Variants in SMARCC1 observed in about 807,000 individuals in gnomAD.
The protein encoded by SMARCC1 is SWI/SNF related BAF chromatin remodeling complex subunit C1, also known as SWI/SNF complex subunit SMARCC1.
A neutral mutation model predicts 147.4 loss-of-function variants in SMARCC1; 43 were observed. That is an observed-to-expected ratio of 0.29 (90% CI 0.23 to 0.38). SMARCC1 has a LOEUF of 0.38. Among genes scored for constraint, SMARCC1 ranks in the 10% least tolerant of loss-of-function variants. The pLI is 1.00. For missense variants in SMARCC1, 1,119 were observed against 1,381.1 expected (o/e 0.81, Z 3.01); for synonymous variants, 495 against 484.4 (o/e 1.02, Z -0.29).
intron 26 of SMARCC1, among the ~76,000 whole-genome samples, chr3:47,593,608 G>A (rs2032222328): frequency 6.6e-6 from 1 of 152,198 alleles, no homozygotes; most frequent in East Asian, 1.9e-4. Flanking sequence ...TTAGAAGACA[G>A]TACTGAGACA....
intron 24 of SMARCC1, 56 bp downstream of exon 24, chr3:47,635,134 C>T: frequency 2.0e-6 from 3 of 1,493,742 alleles, no homozygotes; most frequent in South Asian, 1.2e-5. Flanking sequence ...TAACTAAAAA[C>T]AATACGACCA....
chr3:47,716,859 T>C (rs2034162004), intron 7 of SMARCC1, among the ~76,000 whole-genome samples: 1 of 152,204 alleles, frequency 6.6e-6, no homozygotes, highest in South Asian at 2.1e-4. Flanking sequence ...CATGTACTTG[T>C]AGTCCCAGTT....
rs551165385 is a variant in SMARCC1 at position 47,596,959 on chromosome 3, G to A, written c.3044-6122C>T. On this transcript the variant is annotated intron_variant, in intron 26 of 27. Coordinates refer to ENST00000254480, the MANE Select transcript of SMARCC1 (RefSeq NM_003074.4). Reference sequence around the variant, plus strand: ...GCCTGTAATCCCGGCACTTTGGGAGGCCGAGGCAGGCAGATGACGAGGTCA... The same window carrying A: ...GCCTGTAATCCCGGCACTTTGGGAGACCGAGGCAGGCAGATGACGAGGTCA... Among the ~76,000 whole-genome samples the A allele has an allele frequency of 3.0e-3, 459 of 152,014 alleles. 4 individuals are homozygous for A. The highest frequency in any genetic ancestry group is 0.01 in the African/African-American group (427 of 41,446).
intron 2 of SMARCC1, among the ~76,000 whole-genome samples, chr3:47,770,384 G>C (rs991884081): frequency 6.6e-6 from 1 of 152,096 alleles, no homozygotes; most frequent in African/African-American, 2.4e-5. Flanking sequence ...ACTTTGGGAG[G>C]CTGAGGCGGG....
In SMARCC1 at chr3:47,636,078, T is replaced by C. The variant is rs1272543372; in HGVS notation, c.2435A>G (p.Asn812Ser). 1 of 1,610,462 alleles carries C rather than the reference T, an allele frequency of 6.2e-7. No individual in the cohort carries two copies. Residue 812 changes from asparagine (N) to serine (S), a missense_variant, in exon 23 of 28, where the codon AAT (asparagine) becomes AGT (serine). Asn to Ser is a conservative substitution (Grantham distance 46, BLOSUM62 1). This residue lies in a region of SMARCC1 where 157 missense variants were observed against 158.6 expected (regional missense o/e 0.99). Transcript: ENST00000254480. Reference sequence around the variant, plus strand: ...CTGTTCCTTTTCACTATTTTTTTCATTTTCTCCATCTTGTGCTTTATCACC... The same window carrying C: ...CTGTTCCTTTTCACTATTTTTTTCACTTTCTCCATCTTGTGCTTTATCACC... ...DEGDKAQDGENEKNSEKEQDS... is the reference protein window; with the variant it reads ...DEGDKAQDGESEKNSEKEQDS...
chr3:47,636,768 A>G (rs560187662), intron 22 of SMARCC1, among the ~76,000 whole-genome samples: 12 of 149,172 alleles, frequency 8.0e-5, no homozygotes, highest in Non-Finnish European at 1.8e-4. Flanking sequence ...AAACAACAAC[A>G]ACCACAACAA....
intron 10 of SMARCC1, among the ~76,000 whole-genome samples, chr3:47,702,480 G>A (rs2033935329): frequency 6.6e-6 from 1 of 152,212 alleles, no homozygotes; most frequent in Non-Finnish European, 1.5e-5. Context: ...TAAGGGCTGG[G>A]TGTGGTGGCT....
rs2032954345 is a variant in SMARCC1 at position 47,635,321 on chromosome 3, T to C, written c.2515A>G (p.Lys839Glu). 6.2e-7 allele frequency: 1 copy of C among 1,612,764 alleles called. No individual in the cohort carries two copies. The highest frequency in any genetic ancestry group is 8.5e-7 in the Non-Finnish European group (1 of 1,179,882). Residue 839 changes from lysine (K) to glutamate (E), a missense_variant, in exon 24 of 28, where the codon AAA becomes GAA. Lys to Glu is a moderately conservative substitution (Grantham distance 56, BLOSUM62 1). Around this residue, in one of 6 missense-constraint regions of SMARCC1, gnomAD observed 157 missense variants for 158.6 expected, o/e 0.99. Coordinates refer to ENST00000254480, the MANE Select transcript of SMARCC1 (RefSeq NM_003074.4). The stretch of plus-strand genomic sequence containing the variant: ...TCTTTACATGTATCAGTGAGTTCTT[T>C]GTTCTCTTCAGTCTCCTTTTCTTCT... ...KSEEKETEEN[K>E]ELTDTCKERE...
intron 2 of SMARCC1, among the ~76,000 whole-genome samples, chr3:47,763,281 G>A (rs1006443107): frequency 2.7e-5 from 4 of 150,900 alleles, no homozygotes; most frequent in Admixed American, 6.6e-5. Context: ...CAAAACGTTA[G>A]GATTACAGGC....
chr3:47,727,822 C>G (rs1011567096), intron 6 of SMARCC1, among the ~76,000 whole-genome samples: 16 of 152,146 alleles, frequency 1.1e-4, no homozygotes, highest in African/African-American at 3.6e-4. Flanking sequence ...AACTCCTGAC[C>G]TCAGGTGATC....
At chr3:47,765,798 T>A (rs2034833112) in intron 2 of SMARCC1, among the ~76,000 whole-genome samples, 1 of 151,960 alleles carries the variant, frequency 6.6e-6, no homozygotes. Flanking sequence ...AGTGGCATGA[T>A]CTTGGCTCAC....
Position 47,713,004 on chromosome 3 carries a change from T to C in SMARCC1, c.792+1411A>G, listed in dbSNP as rs116415539. On this transcript the variant is annotated intron_variant, in intron 8 of 27. Coordinates refer to ENST00000254480, the MANE Select transcript of SMARCC1 (RefSeq NM_003074.4). ...ATTAGATGATAGTATAATTTCAACATTTAATTTCCAAAAATAGTTAAAAAC... is the reference window on the plus strand; with the variant it reads ...ATTAGATGATAGTATAATTTCAACACTTAATTTCCAAAAATAGTTAAAAAC... Among the ~76,000 whole-genome samples, 897 of 152,234 alleles carry C rather than the reference T, an allele frequency of 5.9e-3. 6 individuals carry two copies. The highest frequency in any genetic ancestry group is 9.6e-3 in the Non-Finnish European group (653 of 68,020).
chr3:47,652,935 T>C (rs1404691335), intron 21 of SMARCC1, among the ~76,000 whole-genome samples: 1 of 149,146 alleles, frequency 6.7e-6, no homozygotes, highest in East Asian at 2.0e-4. Context: ...TGAGTGTTCA[T>C]CCAGCTTTAC....
chr3:47,662,458 A>T lies in SMARCC1; in HGVS notation c.2034T>A (p.Leu678=). 1 of 1,614,194 alleles carries T rather than the reference A, an allele frequency of 6.2e-7. No individual in the cohort carries two copies. Among genetic ancestry groups the T allele is most frequent in the Non-Finnish European group, 8.5e-7 (1 of 1,180,030 alleles). Residue 678 remains leucine (L), a synonymous_variant, in exon 20 of 28, where the codon CTT becomes CTA. Coordinates refer to ENST00000254480, the MANE Select transcript of SMARCC1 (RefSeq NM_003074.4). ...DPYLENSDAS[L]GPLAYQPVPF... ...GGACAGGCTGGTAGGCCAAAGGCCC[A>T]AGGGAAGCATCTGAATTCTCAAGGT...
At chr3:47,671,812 TAATA>T (rs2033506229) in intron 18 of SMARCC1, among the ~76,000 whole-genome samples, 1 of 152,186 alleles carries the variant, frequency 6.6e-6, no homozygotes, top group African/African-American at 2.4e-5. Context: ...GATTACCATT[TAATA>T]AATAAACATT....
At chr3:47,688,938 A>G (rs966136681) in intron 13 of SMARCC1, among the ~76,000 whole-genome samples, 1 of 152,160 alleles carries the variant, frequency 6.6e-6, no homozygotes, top group Non-Finnish European at 1.5e-5. Flanking sequence ...TGCCGAGCGC[A>G]GTGGCTGACA....
rs2034556927 is a variant in SMARCC1, at chr3:47,745,703, TG to T, written c.401+204del. 1.3e-5 allele frequency among the ~76,000 whole-genome samples: 2 copies of T among 152,146 alleles called. 1 individual carries two copies. The highest frequency in any genetic ancestry group is 4.1e-4 in the South Asian group (2 of 4,826). ...TTCTAGCCTTGCCAACAGCCTTGGTTGGTCCTATTTTTAAGACCCTGTCTCA... is the reference window on the plus strand; with the variant it reads ...TTCTAGCCTTGCCAACAGCCTTGGTTGTCCTATTTTTAAGACCCTGTCTCA... On this transcript the variant is annotated intron_variant, in intron 3 of 27. Transcript: ENST00000254480.
intron 5 of SMARCC1, among the ~76,000 whole-genome samples, chr3:47,733,001 A>T (rs2034393903): frequency 6.6e-6 from 1 of 151,942 alleles, no homozygotes. Context: ...CCAGCTACTC[A>T]GGAGGCTGAG....
chr3:47,640,204 T>C (rs1174056754), intron 21 of SMARCC1, among the ~76,000 whole-genome samples: 1 of 151,410 alleles, frequency 6.6e-6, no homozygotes, highest in Non-Finnish European at 1.5e-5. Flanking sequence ...CTTTATGAGA[T>C]AGTGAAAAAA....
Sources: allele counts gnomAD v4.1 joint callset (sites outside exome capture counted in the v4.1 genomes callset), GRCh38; gene constraint gnomAD v4.1.1; regional missense constraint gnomAD v4.1.1; transcripts MANE v1.5; gene names NCBI Gene and HGNC (gene_info 2026-07-23, HGNC 2026-07-21).